LDB2: variants seen among roughly 807,000 people sequenced by gnomAD.
The protein encoded by LDB2 is LIM domain-binding protein 2.
A neutral mutation model predicts 44.3 loss-of-function variants in LDB2; 12 were observed. The observed-to-expected ratio is 0.27, with a 90% confidence interval of 0.17 to 0.44. The LOEUF is 0.44. Among genes scored for constraint, LDB2 ranks in the 20% least tolerant of loss-of-function variants. The pLI is 1.00. For synonymous variants in LDB2, 164 were observed against 174.8 expected (o/e 0.94, Z 0.49); for missense variants, 344 against 473.5 (o/e 0.73, Z 2.54).
chr4:16,889,764 G>A (rs1722826210), intron 1 of LDB2, among the ~76,000 whole-genome samples: 1 of 152,150 alleles, frequency 6.6e-6, no homozygotes, highest in South Asian at 2.1e-4. Flanking sequence ...ATTCTATCAA[G>A]GACAAGCAAA....
chr4:16,571,693 CTATT>C (rs1560509643), intron 5 of LDB2, among the ~76,000 whole-genome samples: 1 of 152,202 alleles, frequency 6.6e-6, no homozygotes, highest in Non-Finnish European at 1.5e-5. Flanking sequence ...TCTCAAATGT[CTATT>C]TAGGATTAAA....
At chr4:16,712,082 A>T (rs551506064) in intron 2 of LDB2, among the ~76,000 whole-genome samples, 35 of 152,324 alleles carry the variant, frequency 2.3e-4, no homozygotes, top group African/African-American at 7.0e-4. Flanking sequence ...TCAAAATTTT[A>T]AAAAATTGTG....
chr4:16,882,764 T>A (rs1220742097), intron 1 of LDB2, among the ~76,000 whole-genome samples: 1 of 152,054 alleles, frequency 6.6e-6, no homozygotes, highest in Non-Finnish European at 1.5e-5. Flanking sequence ...CAGAAAAAAA[T>A]AGGTTTAAAT....
chr4:16,597,669 A>T (rs1560587186), intron 2 of LDB2, among the ~76,000 whole-genome samples: 1 of 152,228 alleles, frequency 6.6e-6, no homozygotes, highest in Non-Finnish European at 1.5e-5. Flanking sequence ...TTGTCACATT[A>T]AAAAGGTTAT....
At chr4:16,861,815 C>T (rs918717239) in intron 1 of LDB2, among the ~76,000 whole-genome samples, 4 of 152,234 alleles carry the variant, frequency 2.6e-5, no homozygotes, top group African/African-American at 9.7e-5. Context: ...GCTGTTCCCC[C>T]TGCCTGCAAT....
intron 2 of LDB2, among the ~76,000 whole-genome samples, chr4:16,611,528 G>A (rs1267088299): frequency 2.2e-4 from 14 of 64,942 alleles, no homozygotes; most frequent in Non-Finnish European, 2.9e-4. Flanking sequence ...ACTTTACCAA[G>A]CAAATGGAAA....
intron 2 of LDB2, among the ~76,000 whole-genome samples, chr4:16,742,075 T>C (rs1254148559): frequency 2.4e-5 from 2 of 84,888 alleles, no homozygotes; most frequent in Non-Finnish European, 4.2e-5. Flanking sequence ...TTTTCTTTTC[T>C]TTTTTTTTTT....
chr4:16,749,418 T>C (rs1189890891), intron 2 of LDB2, among the ~76,000 whole-genome samples: 2 of 150,836 alleles, frequency 1.3e-5, no homozygotes, highest in African/African-American at 2.4e-5. Flanking sequence ...ATTAGCCGGG[T>C]GTGGTTGTGA....
chr4:16,871,473 G>A (rs10005835), intron 1 of LDB2, among the ~76,000 whole-genome samples: 10,636 of 152,178 alleles, frequency 0.07, 1,231 homozygotes, highest in African/African-American at 0.24. Context: ...TCCAGTATTC[G>A]AGAAGTATTA....
chr4:16,656,723 G>C (rs1162291416), intron 2 of LDB2, among the ~76,000 whole-genome samples: 2 of 152,142 alleles, frequency 1.3e-5, no homozygotes, highest in Non-Finnish European at 2.9e-5. Context: ...GCCAATGTAA[G>C]TTTAGTCCCC....
rs926579517 is a variant in LDB2 at position 16,502,404 on chromosome 4, G to T, written c.*239C>A. 3.7e-6 allele frequency: 2 copies of T among 536,330 alleles called. No individual in the cohort carries two copies. The highest frequency in any genetic ancestry group is 6.6e-6 in the Non-Finnish European group (2 of 301,718). 33.2% of individuals were successfully genotyped at this position (536,330 alleles called of 1,614,324 possible). ...TTTTCTCTCATTTTAATTACAATCAGTGCCAGTATCTGTATTACCTGTGAA... is the reference window on the plus strand; with the variant it reads ...TTTTCTCTCATTTTAATTACAATCATTGCCAGTATCTGTATTACCTGTGAA... On this transcript the variant is annotated 3_prime_UTR_variant, in exon 8 of 8. Transcript: ENST00000304523.
chr4:16,639,216 A>G (rs889560212), intron 2 of LDB2, among the ~76,000 whole-genome samples: 2 of 152,220 alleles, frequency 1.3e-5, no homozygotes, highest in Non-Finnish European at 2.9e-5. Context: ...GTTGTCTGGG[A>G]GAAAACAATG....
intron 5 of LDB2, among the ~76,000 whole-genome samples, chr4:16,554,966 G>A (rs1739000749): frequency 6.6e-6 from 1 of 152,206 alleles, no homozygotes. Flanking sequence ...TGTGACAAAT[G>A]TGCCACATTG....
At chr4:16,716,340 C>T (rs1315914348) in intron 2 of LDB2, among the ~76,000 whole-genome samples, 1 of 152,070 alleles carries the variant, frequency 6.6e-6, no homozygotes, top group Non-Finnish European at 1.5e-5. Flanking sequence ...GCTCAAAGCC[C>T]GCATTCACGG....
At chr4:16,856,778 A>G (rs868464794) in intron 1 of LDB2, among the ~76,000 whole-genome samples, 6 of 152,218 alleles carry the variant, frequency 3.9e-5, no homozygotes, top group Non-Finnish European at 4.4e-5. Flanking sequence ...TGAGATAAAT[A>G]CTATTGGTTT....
chr4:16,877,109 T>G (rs1718654532), intron 1 of LDB2, among the ~76,000 whole-genome samples: 1 of 152,166 alleles, frequency 6.6e-6, no homozygotes. Flanking sequence ...ATCTGTTACC[T>G]TTAATATGCA....
At chr4:16,809,936 T>C (rs1779511027) in intron 1 of LDB2, among the ~76,000 whole-genome samples, 1 of 152,194 alleles carries the variant, frequency 6.6e-6, no homozygotes, top group Non-Finnish European at 1.5e-5. Flanking sequence ...GTACTGCACA[T>C]ATTGATTCTT....
intron 1 of LDB2, among the ~76,000 whole-genome samples, chr4:16,871,595 C>T (rs1580378793): frequency 6.7e-6 from 1 of 150,178 alleles, no homozygotes; most frequent in African/African-American, 2.4e-5. Context: ...AAATATCAGC[C>T]AACATTCATG....
chr4:16,822,373 G>A (rs146523054), intron 1 of LDB2, among the ~76,000 whole-genome samples: 31 of 152,264 alleles, frequency 2.0e-4, no homozygotes, highest in African/African-American at 7.0e-4. Context: ...CTAACCTAGA[G>A]AGTATGTCAA....
Sources: gnomAD v4.1 joint callset for allele counts (sites outside exome capture counted in the v4.1 genomes callset) on GRCh38, gnomAD v4.1.1 for gene constraint, MANE v1.5 for transcripts, NCBI Gene and HGNC (gene_info 2026-07-23, HGNC 2026-07-21) for gene names.